KCNH5: variants seen among roughly 807,000 people sequenced by gnomAD.
KCNH5 encodes voltage-gated delayed rectifier potassium channel KCNH5.
Under a neutral mutation model 96.1 loss-of-function variants are expected in KCNH5, and 46 were observed. The observed-to-expected ratio is 0.48, with a 90% CI of 0.38 to 0.61. The LOEUF (loss-of-function observed/expected upper bound fraction) is 0.61. KCNH5 is among the 20% of genes least tolerant of loss of function. The pLI is 0.00. For missense variants in KCNH5, 907 were observed against 1,225.8 expected, an observed-to-expected ratio of 0.74 and a Z score of 3.88; for synonymous variants, 439 against 449.8, an observed-to-expected ratio of 0.98 and a Z score of 0.30.
chr14:62,984,720 G>C (rs1203320338), intron 5 of KCNH5, among the ~76,000 whole-genome samples: 1 of 151,834 alleles, frequency 6.6e-6, no homozygotes, highest in Non-Finnish European at 1.5e-5. Context: ...TTATGAATAA[G>C]GGATGACTGG....
At position 63,006,479 on chromosome 14, in the gene KCNH5, G is replaced by A. The variant is rs778669955; in HGVS notation, c.198-7C>T. Reference sequence around the variant, plus strand: ...CAATTCCCCATACATAAAACTGGGGGGGAAAAAAAACAAACAATCGATTTC... The same window carrying A: ...CAATTCCCCATACATAAAACTGGGGAGGAAAAAAAACAAACAATCGATTTC... On this transcript the variant is annotated splice_region_variant and splice_polypyrimidine_tract_variant and intron_variant, in intron 2 of 10. Coordinates refer to ENST00000322893, the MANE Select transcript of KCNH5 (RefSeq NM_139318.5). 1.4e-5 allele frequency: 22 copies of A among 1,524,986 alleles called. No individual in the cohort carries two copies. The highest frequency in any genetic ancestry group is 2.0e-5 in the Non-Finnish European group (22 of 1,106,446). The allele number at this position is 1,524,986 out of a possible 1,614,324, so 94.5% of individuals were successfully genotyped here.
chr14:62,993,842 A>G (rs1036901366), intron 4 of KCNH5, among the ~76,000 whole-genome samples: 1 of 152,068 alleles, frequency 6.6e-6, no homozygotes, highest in Non-Finnish European at 1.5e-5. Flanking sequence ...AAAGTTTGCT[A>G]ATGTTACTTA....
At chr14:62,744,055 C>G (rs1484994463) in intron 10 of KCNH5, among the ~76,000 whole-genome samples, 1 of 152,160 alleles carries the variant, frequency 6.6e-6, no homozygotes, top group Non-Finnish European at 1.5e-5. Context: ...TATTGAAAGG[C>G]TTTATTAGTA....
rs1047255143 is a variant in KCNH5, at chr14:62,700,484, G to C, written c.*7024C>G. The C allele has an allele frequency of 1.3e-4, 20 of 152,126 alleles. No individual in the cohort carries two copies. Among genetic ancestry groups the C allele is most frequent in the African/African-American group, 4.6e-4 (19 of 41,438 alleles). The allele number at this position is 152,126 out of a possible 1,614,324, so 9.4% of individuals were successfully genotyped here. On this transcript the variant is annotated 3_prime_UTR_variant, in exon 11 of 11. Transcript: ENST00000322893. ...ACACTTATTCCCTCTCTGATAAAGG[G>C]TCATAAGAATAGCAATGTGAAAACA...
At chr14:62,780,768 G>C (rs573290926) in intron 9 of KCNH5, among the ~76,000 whole-genome samples, 16 of 152,180 alleles carry the variant, frequency 1.1e-4, no homozygotes, top group African/African-American at 3.9e-4. Context: ...GTCCCAAAAG[G>C]CCATTCTGCC....
chr14:62,968,461 T>C (rs1250556898), intron 6 of KCNH5, among the ~76,000 whole-genome samples: 5 of 152,110 alleles, frequency 3.3e-5, no homozygotes, highest in African/African-American at 9.7e-5. Flanking sequence ...TCCTTAAACA[T>C]GTATGGAAAG....
intron 7 of KCNH5, among the ~76,000 whole-genome samples, chr14:62,949,078 C>G (rs1217491700): frequency 6.6e-6 from 1 of 151,706 alleles, no homozygotes; most frequent in Non-Finnish European, 1.5e-5. Flanking sequence ...AAACTGGAAG[C>G]ATTCCCTTTG....
chr14:63,045,017 C>T, intron 1 of KCNH5, 97 bp downstream of exon 1: 1 of 999,012 alleles, frequency 1.0e-6, no homozygotes, highest in Non-Finnish European at 1.6e-6. Flanking sequence ...CTGCCTGCAT[C>T]CTCCTCCCCC....
chr14:62,978,026 C>T (rs1173893474), intron 6 of KCNH5, among the ~76,000 whole-genome samples: 1 of 152,100 alleles, frequency 6.6e-6, no homozygotes, highest in Non-Finnish European at 1.5e-5. Context: ...CGGGGAAGAG[C>T]CCTGGGGAAA....
intron 6 of KCNH5, among the ~76,000 whole-genome samples, chr14:62,957,038 C>T (rs1287533098): frequency 2.0e-5 from 3 of 152,222 alleles, no homozygotes; most frequent in Non-Finnish European, 4.4e-5. Flanking sequence ...ACATCAAGTG[C>T]ATAACAGAAC....
chr14:62,793,207 GT>G (rs1478992805), intron 9 of KCNH5, among the ~76,000 whole-genome samples: 1 of 151,754 alleles, frequency 6.6e-6, no homozygotes, highest in Non-Finnish European at 1.5e-5. Flanking sequence ...GATGAATTAA[GT>G]TTTAGATATC....
intron 1 of KCNH5, among the ~76,000 whole-genome samples, chr14:63,036,274 A>T (rs1021279535): frequency 5.3e-5 from 8 of 152,180 alleles, no homozygotes; most frequent in Non-Finnish European, 8.8e-5. Context: ...ATATGATGTC[A>T]GTTATGAACA....
chr14:63,025,867 C>T (rs963997266), intron 1 of KCNH5, among the ~76,000 whole-genome samples: 1 of 151,680 alleles, frequency 6.6e-6, no homozygotes, highest in Non-Finnish European at 1.5e-5. Context: ...AAAAAAAATC[C>T]TAAAGTTCAT....
At chr14:62,851,495 T>C (rs576122386) in intron 7 of KCNH5, among the ~76,000 whole-genome samples, 2 of 79,396 alleles carry the variant, frequency 2.5e-5, no homozygotes, top group East Asian at 8.3e-4. Context: ...TAGAGGTCTT[T>C]CCTAAAAAAA....
chr14:62,901,740 A>G (rs1211709976), intron 7 of KCNH5, among the ~76,000 whole-genome samples: 1 of 152,210 alleles, frequency 6.6e-6, no homozygotes, highest in Admixed American at 6.5e-5. Context: ...TTGAAAATAT[A>G]CCCAGTAATG....
At chr14:62,961,957 A>G (rs1890218614) in intron 6 of KCNH5, among the ~76,000 whole-genome samples, 1 of 146,990 alleles carries the variant, frequency 6.8e-6, no homozygotes, top group African/African-American at 2.5e-5. Context: ...AGATGGAGTT[A>G]CAGATGGAGA....
intron 7 of KCNH5, among the ~76,000 whole-genome samples, chr14:62,865,598 C>A (rs1207149448): frequency 6.6e-6 from 1 of 152,146 alleles, no homozygotes; most frequent in Non-Finnish European, 1.5e-5. Context: ...ACCTGGAGGG[C>A]CCGGGGGCTA....
intron 7 of KCNH5, among the ~76,000 whole-genome samples, chr14:62,912,375 T>C (rs1889185189): frequency 6.6e-6 from 1 of 152,192 alleles, no homozygotes; most frequent in Non-Finnish European, 1.5e-5. Flanking sequence ...TTCTCTTATC[T>C]TGCTTTATCA....
intron 8 of KCNH5, among the ~76,000 whole-genome samples, chr14:62,830,082 T>C (rs1055122982): frequency 7.9e-5 from 12 of 152,328 alleles, no homozygotes; most frequent in African/African-American, 2.2e-4. Context: ...ATGCCACCAG[T>C]CTCTTTGCTA....
Sources: allele counts gnomAD v4.1 joint callset (sites outside exome capture counted in the v4.1 genomes callset), GRCh38; gene constraint gnomAD v4.1.1; transcripts MANE v1.5; gene names NCBI Gene and HGNC (gene_info 2026-07-23, HGNC 2026-07-21).